IZUMO1: variants seen among roughly 807,000 people sequenced by gnomAD.
The protein encoded by IZUMO1 is izumo sperm-egg fusion protein 1.
Under a neutral mutation model 40.7 loss-of-function variants are expected in IZUMO1, and 44 were observed. That is an observed-to-expected ratio of 1.08 (90% CI 0.85 to 1.39). The LOEUF (loss-of-function observed/expected upper bound fraction) is 1.39, where lower values mean the gene tolerates loss of function less well. Among genes scored for constraint, IZUMO1 ranks in the 40% most tolerant of loss-of-function variants. IZUMO1 has a pLI of 0.00. For synonymous variants in IZUMO1, 149 were observed against 170.9 expected (o/e 0.87, Z 1.00); for missense variants, 368 against 436.9 (o/e 0.84, Z 1.41).
At chr19:48,745,169 GC>G in intron 3 of IZUMO1, 44 bp downstream of exon 3, 1 of 1,511,274 alleles carries the variant, frequency 6.6e-7, no homozygotes, top group South Asian at 1.1e-5. Context: ...ACTAACGCTG[GC>G]TTCTCTGAGA....
chr19:48,745,903 C>T lies in IZUMO1; in HGVS notation c.-44G>A, dbSNP rs753269591. ...TTCCCGAAGACCGTTAGGAAGGGTG[C>T]TCTCACCCCAAACCGAGAGCAGGAG... is the stretch of plus-strand genomic sequence containing the variant. On this transcript the variant is annotated 5_prime_UTR_variant, in exon 2 of 10. Transcript: ENST00000332955. The T allele has an allele frequency of 6.2e-7, 1 of 1,608,696 alleles. No individual in the cohort carries two copies. The highest frequency in any genetic ancestry group is 1.7e-5 in the Admixed American group (1 of 59,774).
At position 48,744,272 on chromosome 19, in the gene IZUMO1, G is replaced by A. The variant is rs911144866; in HGVS notation, c.398-77C>T. On this transcript the variant is annotated intron_variant, in intron 4 of 9. Coordinates refer to ENST00000332955, the MANE Select transcript of IZUMO1 (RefSeq NM_182575.3). ...TTCTAAATGAAAGACGATGGAAGAGGGGGTTGGGGGAAGAGCTGGGCTTTG... is the reference window on the plus strand; with the variant it reads ...TTCTAAATGAAAGACGATGGAAGAGAGGGTTGGGGGAAGAGCTGGGCTTTG... 6 of 1,465,318 alleles carry A rather than the reference G, an allele frequency of 4.1e-6. No individual in the cohort carries two copies. In the African/African-American group the frequency reaches 8.3e-5, roughly 20 times the overall value. 90.8% of individuals were successfully genotyped at this position (1,465,318 alleles called of 1,614,324 possible).
In IZUMO1 at chr19:48,743,505, T is replaced by C; in HGVS notation, c.439A>G (p.Ile147Val). ...NKCGVMLQTL[I>V]WCKNCKKEVH... is the part of the protein sequence containing the mutation. ...TCCTTTTTGCAGTTCTTGCACCAGATCAGAGTTTGCAACATCACACCTGGA... is the reference window on the plus strand; with the variant it reads ...TCCTTTTTGCAGTTCTTGCACCAGACCAGAGTTTGCAACATCACACCTGGA... Residue 147 changes from isoleucine (I) to valine (V), a missense_variant, in exon 6 of 10, where the codon ATC becomes GTC. By Grantham distance (29) the Ile-to-Val change is conservative (BLOSUM62 3). Transcript: ENST00000332955. 6.2e-7 allele frequency: 1 copy of C among 1,614,132 alleles called. No homozygotes were observed. Among genetic ancestry groups the C allele is most frequent in the South Asian group, 1.1e-5 (1 of 91,086 alleles).
At position 48,741,290 on chromosome 19, in the gene IZUMO1, G is replaced by A. The variant is rs1489064361; in HGVS notation, c.932+11C>T. ...CCAAGCCAAGCCTGTCTTCTTCAAT[G>A]GGTTGCTTACGCAAAGGTAAGGCCG... On this transcript the variant is annotated intron_variant, in intron 9 of 9. Transcript: ENST00000332955. The surrounding 1 kb of genome is among the most constrained non-coding windows in gnomAD (Gnocchi z 4.4). 20 of 1,578,744 alleles carry A rather than the reference G, an allele frequency of 1.3e-5. No homozygotes were observed. The highest frequency in any genetic ancestry group is 2.3e-5 in the East Asian group (1 of 44,226).
chr19:48,741,295 G>T lies in IZUMO1; in HGVS notation c.932+6C>A. The T allele has an allele frequency of 6.3e-7, 1 of 1,581,950 alleles. No individual in the cohort carries two copies. Among genetic ancestry groups the T allele is most frequent in the Non-Finnish European group, 8.6e-7 (1 of 1,164,196 alleles). ...CCAAGCCTGTCTTCTTCAATGGGTT[G>T]CTTACGCAAAGGTAAGGCCGGTTAT... On this transcript the variant is annotated splice_donor_region_variant and intron_variant, in intron 9 of 9. Transcript: ENST00000332955. This position sits in a 1 kb window ranked among gnomAD's most constrained non-coding sequence, Gnocchi z 4.4.
At chr19:48,742,007 G>A (rs2033715232) in intron 7 of IZUMO1, 65 bp from the exon 8 acceptor site, 1 of 1,544,544 alleles carries the variant, frequency 6.5e-7, no homozygotes, top group Non-Finnish European at 8.7e-7. Context: ...GTACAGGGGT[G>A]AGAAGATCAC....
At chr19:48,742,756 C>A (rs2033755414) in intron 6 of IZUMO1, among the ~76,000 whole-genome samples, 2 of 110,386 alleles carry the variant, frequency 1.8e-5, no homozygotes, top group Non-Finnish European at 3.4e-5. Context: ...TAGATGAAGT[C>A]TCACTCTGTC....
chr19:48,741,465 C>G lies in IZUMO1; in HGVS notation c.768G>C (p.Met256Ile), dbSNP rs560671190. 9 of 1,610,436 alleles carry G rather than the reference C, an allele frequency of 5.6e-6. No homozygotes were observed. The African/African-American group carries it at 8.0e-5, about 14-fold the overall frequency. Residue 256 changes from methionine (M) to isoleucine (I), a missense_variant, in exon 9 of 10, where the codon ATG becomes ATC. By Grantham distance (10) the Met-to-Ile change is conservative (BLOSUM62 1). Coordinates refer to ENST00000332955, the MANE Select transcript of IZUMO1 (RefSeq NM_182575.3). This position sits in a 1 kb window ranked among gnomAD's most constrained non-coding sequence, Gnocchi z 4.4. ...TTGGAGAAGGTTTTTCCTCCTTGAT[C>G]ATTTTGGGCAACACTGTTAGAGAAA... ...INFHVTVLPK[M>I]IKEEKPSPNI...
At position 48,745,614 on chromosome 19, in the gene IZUMO1, C is replaced by A; in HGVS notation, c.235+11G>T. The A allele has an allele frequency of 6.2e-7, 1 of 1,614,102 alleles. No individual in the cohort carries two copies. Among genetic ancestry groups the A allele is most frequent in the Non-Finnish European group, 8.5e-7 (1 of 1,180,002 alleles). On this transcript the variant is annotated intron_variant, in intron 2 of 9. Transcript: ENST00000332955. ...CAGGACCCAGGGGTCCGTGGTCCCC[C>A]CTGCCCTCACCAACGACCCCCATAT...
chr19:48,741,549 C>G lies in IZUMO1; in HGVS notation c.755-71G>C. 2 of 1,495,172 alleles carry G rather than the reference C, an allele frequency of 1.3e-6. No individual in the cohort carries two copies. Among genetic ancestry groups the G allele is most frequent in the Non-Finnish European group, 1.8e-6 (2 of 1,094,776 alleles). The allele number at this position is 1,495,172 out of a possible 1,614,324, so 92.6% of individuals were successfully genotyped here. On this transcript the variant is annotated intron_variant, in intron 8 of 9. Transcript: ENST00000332955. The surrounding 1 kb of genome is among the most constrained non-coding windows in gnomAD (Gnocchi z 4.4). ...CCTGCCCTGGCAAAGACAAGCCCGT[C>G]CCAGTAGCCGGCCATCCCAGAGATA...
At chr19:48,743,755 G>C (rs1439686254) in intron 5 of IZUMO1, 9 of 554,648 alleles carry the variant, frequency 1.6e-5, no homozygotes, top group Non-Finnish European at 2.9e-5. Context: ...CACTTTGGGA[G>C]GCCGAGGCGG....
At chr19:48,744,257 A>C (rs1297267206) in intron 4 of IZUMO1, 62 bp from the exon 5 acceptor site, 4 of 1,520,568 alleles carry the variant, frequency 2.6e-6, no homozygotes, top group Non-Finnish European at 3.7e-6. Context: ...TTCTAAATGA[A>C]AGACGATGGA....
At position 48,741,059 on chromosome 19, in the gene IZUMO1, A is replaced by G; in HGVS notation, c.933-31T>C. On this transcript the variant is annotated intron_variant, in intron 9 of 9. Coordinates refer to ENST00000332955, the MANE Select transcript of IZUMO1 (RefSeq NM_182575.3). This position sits in a 1 kb window ranked among gnomAD's most constrained non-coding sequence, Gnocchi z 4.4. ...GGTGGGAGTGGGGTGCAGATCATGG[A>G]ACCGGTTTGGGTACTAATTGTGTGG... 1.9e-6 allele frequency: 3 copies of G among 1,612,594 alleles called. No individual in the cohort carries two copies. Among genetic ancestry groups the G allele is most frequent in the Non-Finnish European group, 2.5e-6 (3 of 1,179,698 alleles).
rs1208775082 is a variant in IZUMO1, at chr19:48,743,318, C to T, written c.499+127G>A. ...GAGACTATAGGTGTGAACCACTGCA[C>T]CTGGCCTAAACCCTACCTTTTCTTG... On this transcript the variant is annotated intron_variant, in intron 6 of 9. Coordinates refer to ENST00000332955, the MANE Select transcript of IZUMO1 (RefSeq NM_182575.3). 4.9e-6 allele frequency: 4 copies of T among 815,720 alleles called. No individual in the cohort carries two copies. In the East Asian group the frequency reaches 1.1e-4, roughly 22 times the overall value. The allele number at this position is 815,720 out of a possible 1,614,324, so 50.5% of individuals were successfully genotyped here.
At position 48,744,205 on chromosome 19, in the gene IZUMO1, A is replaced by G. The variant is rs1240954707; in HGVS notation, c.398-10T>C. 5.6e-6 allele frequency: 9 copies of G among 1,612,060 alleles called. No individual in the cohort carries two copies. The highest frequency in any genetic ancestry group is 7.6e-6 in the Non-Finnish European group (9 of 1,178,114). On this transcript the variant is annotated splice_polypyrimidine_tract_variant and intron_variant, in intron 4 of 9. Transcript: ENST00000332955. ...TTGTTGGGACAATAAGCTGTGTCAA[A>G]AGAGAAAAAAAGAGAGCAAGAAAGA...
intron 5 of IZUMO1, chr19:48,743,927 G>T: frequency 1.9e-6 from 1 of 517,132 alleles, no homozygotes; most frequent in Non-Finnish European, 3.5e-6. Flanking sequence ...GGAGGTGGAG[G>T]TTGCAGTGAG....
At position 48,745,715 on chromosome 19, in the gene IZUMO1, G is replaced by A. The variant is rs377755047; in HGVS notation, c.145C>T (p.His49Tyr). The A allele has an allele frequency of 3.4e-5, 55 of 1,614,058 alleles. No individual in the cohort carries two copies. The highest frequency in any genetic ancestry group is 4.5e-5 in the Non-Finnish European group (53 of 1,180,058). The change falls in exon 2 of 10, where the codon CAT (histidine) becomes TAT (tyrosine). Residue 49 changes from histidine (H) to tyrosine (Y), a missense_variant. Physicochemically the swap from His to Tyr is moderately conservative, Grantham distance 83. Transcript: ENST00000332955. ...ACCCTTTCCATCATGGCTTTGTGATGCTTCGCATCCAGGTGGCCAGGCAGG... is the reference window on the plus strand; with the variant it reads ...ACCCTTTCCATCATGGCTTTGTGATACTTCGCATCCAGGTGGCCAGGCAGG... ...DYLPGHLDAK[H>Y]HKAMMERVEN...
At chr19:48,744,866 T>C (rs2033832935) in intron 3 of IZUMO1, among the ~76,000 whole-genome samples, 1 of 152,080 alleles carries the variant, frequency 6.6e-6, no homozygotes, top group Non-Finnish European at 1.5e-5. Flanking sequence ...TGTATACATA[T>C]GTCTATTTTT....
intron 2 of IZUMO1, 23 bp downstream of exon 2, chr19:48,745,593 ACCCAGGGGT>A (rs763712850): frequency 1.4e-5 from 22 of 1,612,584 alleles, no homozygotes; most frequent in Non-Finnish European, 1.9e-5. Context: ...CTTTCCCAGG[ACCCAGGGGT>A]CCGTGGTCCC....
Sources: allele counts gnomAD v4.1 joint callset (sites outside exome capture counted in the v4.1 genomes callset), GRCh38; gene constraint gnomAD v4.1.1; non-coding constraint Gnocchi (gnomAD v3.1); transcripts MANE v1.5; gene names NCBI Gene and HGNC (gene_info 2026-07-23, HGNC 2026-07-21).